ABHD4: variants seen among roughly 807,000 people sequenced by gnomAD.
ABHD4 encodes the protein (Lyso)-N-acylphosphatidylethanolamine lipase.
ABHD4 carries 35 observed loss-of-function variants against 42.3 expected under a neutral mutation model. That is an observed-to-expected ratio of 0.83 (90% CI 0.63 to 1.10). ABHD4 has a LOEUF of 1.10. Among genes scored for constraint, ABHD4 ranks in the 50% least tolerant of loss-of-function variants. ABHD4 has a pLI of 0.00. For missense variants in ABHD4, 389 were observed against 454.8 expected, an observed-to-expected ratio of 0.86 and a Z score of 1.32; for synonymous variants, 169 against 170.6, an observed-to-expected ratio of 0.99 and a Z score of 0.07.
intron 6 of ABHD4, 42 bp from the exon 7 acceptor site, chr14:22,610,817 G>C: frequency 6.6e-7 from 1 of 1,524,864 alleles, no homozygotes; most frequent in East Asian, 2.2e-5. Context: ...CCAGCACCAG[G>C]AATAAAAGGC....
chr14:22,603,557 C>G lies in ABHD4; in HGVS notation c.280C>G (p.Arg94Gly). 1 of 1,614,112 alleles carries G rather than the reference C, an allele frequency of 6.2e-7. No individual in the cohort carries two copies. The highest frequency in any genetic ancestry group is 8.5e-7 in the Non-Finnish European group (1 of 1,180,008). The change falls in exon 3 of 7, where the codon CGC (arginine) becomes GGC (glycine). Residue 94 changes from arginine to glycine, a missense_variant. Physicochemically the swap from Arg to Gly is moderately radical, Grantham distance 125 (BLOSUM62 -2). Coordinates refer to ENST00000428304, the MANE Select transcript of ABHD4 (RefSeq NM_022060.3). ...CCTCAACATGGACTCACTGAGTGCC[C>G]GCCGCACACTGCACACCTTCGATCT... ...WILNMDSLSARRTLHTFDLLG... is the reference protein window; with the variant it reads ...WILNMDSLSAGRTLHTFDLLG...
chr14:22,598,738 G>GCCT, intron 1 of ABHD4: 1 of 368,692 alleles, frequency 2.7e-6, no homozygotes, highest in East Asian at 6.9e-5. Context: ...GATGGAGAGA[G>GCCT]CCTCCTCCCT....
chr14:22,609,587 C>G (rs2037387400), intron 5 of ABHD4, 137 bp from the exon 6 acceptor site: 3 of 979,280 alleles, frequency 3.1e-6, no homozygotes, highest in African/African-American at 3.3e-5. Flanking sequence ...TTCCCCTAAT[C>G]TTACCAATAT....
chr14:22,606,433 G>C lies in ABHD4; in HGVS notation c.652G>C (p.Val218Leu), dbSNP rs776291130. Residue 218 changes from valine to leucine, a missense_variant, in exon 5 of 7, where the codon GTG becomes CTG. This residue lies in a region of ABHD4 where 249 missense variants were observed against 254.4 expected (regional missense o/e 0.98). Transcript: ENST00000428304. The stretch of plus-strand genomic sequence containing the variant: ...CTATCCCCTCCCAGGGCCTGGTCTG[G>C]TGCAGCGATTCCGGCCGGACTTCAA... ...RVAGPWGPGL[V>L]QRFRPDFKRK... 1 of 1,611,958 alleles carries C rather than the reference G, an allele frequency of 6.2e-7. No homozygotes were observed. The highest frequency in any genetic ancestry group is 8.5e-7 in the Non-Finnish European group (1 of 1,179,210).
chr14:22,598,312 C>T lies in ABHD4; in HGVS notation c.6C>T (p.Ala2=), dbSNP rs1197832021. Reference sequence around the variant, plus strand: ...CCTGGCAAGGCTTGTTTACTATGGCCGATGATCTGGAGCAGCAGTGAGTTA... The same window carrying T: ...CCTGGCAAGGCTTGTTTACTATGGCTGATGATCTGGAGCAGCAGTGAGTTA... M[A]DDLEQQSQGW... is the part of the protein sequence containing the mutation. Residue 2 remains alanine, a synonymous_variant, in exon 1 of 7, where the codon GCC becomes GCT. Coordinates refer to ENST00000428304, the MANE Select transcript of ABHD4 (RefSeq NM_022060.3). 6.4e-7 allele frequency: 1 copy of T among 1,551,676 alleles called. No homozygotes were observed. Among genetic ancestry groups the T allele is most frequent in the Non-Finnish European group, 8.7e-7 (1 of 1,146,960 alleles).
rs2037309427 is a variant in ABHD4 at position 22,603,427 on chromosome 14, C to A, written c.150C>A (p.Leu50=). 1 of 1,614,062 alleles carries A rather than the reference C, an allele frequency of 6.2e-7. No individual in the cohort carries two copies. The highest frequency in any genetic ancestry group is 1.3e-5 in the African/African-American group (1 of 74,924). The change falls in exon 3 of 7, where the codon CTC becomes CTA. Residue 50 remains leucine (L), a synonymous_variant. Coordinates refer to ENST00000428304, the MANE Select transcript of ABHD4 (RefSeq NM_022060.3). ...QNKFLARYVS[L]PNQNKIWTVT... ...AGTTCCTGGCCAGATATGTATCCCT[C>A]CCAAACCAGAATAAGATCTGGACGG...
At chr14:22,607,082 T>C (rs1299105010) in intron 5 of ABHD4, among the ~76,000 whole-genome samples, 1 of 152,192 alleles carries the variant, frequency 6.6e-6, no homozygotes, top group African/African-American at 2.4e-5. Context: ...TTACTACCAA[T>C]AGAATTTCTC....
At chr14:22,599,658 C>T (rs978037654) in intron 1 of ABHD4, among the ~76,000 whole-genome samples, 3 of 152,160 alleles carry the variant, frequency 2.0e-5, no homozygotes, top group Admixed American at 1.3e-4. Flanking sequence ...GATGCTGTTC[C>T]TTGGGTAGCG....
rs1317440613 is a variant in ABHD4, at chr14:22,611,265, ACT to A, written c.*324_*325del. 3.4e-6 allele frequency: 1 copy of A among 291,018 alleles called. No individual in the cohort carries two copies. Among genetic ancestry groups the A allele is most frequent in the Non-Finnish European group, 6.6e-6 (1 of 150,392 alleles). 18.0% of individuals were successfully genotyped at this position (291,018 alleles called of 1,614,324 possible). On this transcript the variant is annotated 3_prime_UTR_variant, in exon 7 of 7. Coordinates refer to ENST00000428304, the MANE Select transcript of ABHD4 (RefSeq NM_022060.3). Reference sequence around the variant, plus strand: ...GAAGGGATTGCACCAAGCCACATTCACTCTCTCTGTGGCCTTTCTTCCTCTGG... The same window carrying A: ...GAAGGGATTGCACCAAGCCACATTCACTCTCTGTGGCCTTTCTTCCTCTGG...
Position 22,606,435 on chromosome 14 carries a change from G to A in ABHD4, c.654G>A (p.Val218=). ...ATCCCCTCCCAGGGCCTGGTCTGGT[G>A]CAGCGATTCCGGCCGGACTTCAAAC... ...RVAGPWGPGL[V]QRFRPDFKRK... Residue 218 remains valine (V), a synonymous_variant, in exon 5 of 7, where the codon GTG becomes GTA. Coordinates refer to ENST00000428304, the MANE Select transcript of ABHD4 (RefSeq NM_022060.3). The A allele has an allele frequency of 6.2e-7, 1 of 1,612,144 alleles. No individual in the cohort carries two copies. Among genetic ancestry groups the A allele is most frequent in the Non-Finnish European group, 8.5e-7 (1 of 1,179,308 alleles).
rs74359655 is a variant in ABHD4 at position 22,603,780 on chromosome 14, C to G, written c.485+18C>G. 9.6e-4 allele frequency: 1,500 copies of G among 1,564,038 alleles called. 13 individuals carry two copies. In the African/African-American group the frequency reaches 0.014, roughly 15 times the overall value. ...CCTGATAGGTAATAAGGAGATGGCTCCATCCCTCGTGACCTAATTCCTGGC... is the reference window on the plus strand; with the variant it reads ...CCTGATAGGTAATAAGGAGATGGCTGCATCCCTCGTGACCTAATTCCTGGC... On this transcript the variant is annotated intron_variant, in intron 3 of 6. Transcript: ENST00000428304.
intron 5 of ABHD4, among the ~76,000 whole-genome samples, chr14:22,609,093 G>C (rs1797440787): frequency 6.6e-6 from 1 of 151,780 alleles, no homozygotes; most frequent in Non-Finnish European, 1.5e-5. Flanking sequence ...TGTCTCCCAG[G>C]CTCAAGCAAT....
chr14:22,609,109 T>A (rs1392660566), intron 5 of ABHD4, among the ~76,000 whole-genome samples: 2 of 151,906 alleles, frequency 1.3e-5, no homozygotes, highest in African/African-American at 4.8e-5. Flanking sequence ...GCAATTCTCC[T>A]ACCTCAGCCT....
In ABHD4 at chr14:22,606,506, T is replaced by G; in HGVS notation, c.725T>G (p.Ile242Ser). The G allele has an allele frequency of 6.2e-7, 1 of 1,613,194 alleles. No individual in the cohort carries two copies. Among genetic ancestry groups the G allele is most frequent in the Non-Finnish European group, 8.5e-7 (1 of 1,179,662 alleles). The change falls in exon 5 of 7, where the codon ATT (isoleucine) becomes AGT (serine). Residue 242 changes from isoleucine to serine, a missense_variant. Physicochemically the swap from Ile to Ser is moderately radical, Grantham distance 142. Coordinates refer to ENST00000428304, the MANE Select transcript of ABHD4 (RefSeq NM_022060.3). Reference sequence around the variant, plus strand: ...GAAGATGATACCATATCAGAGTATATTTACCACTGCAACGCACAGAATCCC... The same window carrying G: ...GAAGATGATACCATATCAGAGTATAGTTACCACTGCAACGCACAGAATCCC... ...FFEDDTISEY[I>S]YHCNAQNPSG...
chr14:22,610,581 G>A (rs2037403115), intron 6 of ABHD4, among the ~76,000 whole-genome samples: 1 of 152,136 alleles, frequency 6.6e-6, no homozygotes, highest in Non-Finnish European at 1.5e-5. Flanking sequence ...GCCAACCATG[G>A]GCCCAGGTTT....
Position 22,598,635 on chromosome 14 carries a change from G to A in ABHD4, c.23+306G>A, listed in dbSNP as rs2037245976. On this transcript the variant is annotated intron_variant, in intron 1 of 6. Transcript: ENST00000428304. ...CTGGAGAGATTCCATGTTGATGTGTGAGATCCCCGAAAGCAAGCTTGTGGG... is the reference window on the plus strand; with the variant it reads ...CTGGAGAGATTCCATGTTGATGTGTAAGATCCCCGAAAGCAAGCTTGTGGG... 1.3e-5 allele frequency: 8 copies of A among 602,058 alleles called. No individual in the cohort carries two copies. The Admixed American group carries it at 2.2e-4, about 17-fold the overall frequency. The allele number at this position is 602,058 out of a possible 1,614,324, so 37.3% of individuals were successfully genotyped here.
rs187892809 is a variant in ABHD4 at position 22,601,773 on chromosome 14, C to T, written c.112+18C>T. The T allele has an allele frequency of 1.7e-4, 278 of 1,602,800 alleles. 2 individuals are homozygous for T. In the East Asian group the frequency reaches 3.8e-3, roughly 22 times the overall value. On this transcript the variant is annotated intron_variant, in intron 2 of 6. Transcript: ENST00000428304. The stretch of plus-strand genomic sequence containing the variant: ...CCTCCAGTGTAAGTAGAATGGACAG[C>T]TTGTCCCACCTCCCTCATGGAGCCC...
intron 4 of ABHD4, among the ~76,000 whole-genome samples, chr14:22,604,986 C>T (rs904069575): frequency 1.3e-5 from 2 of 152,234 alleles, no homozygotes; most frequent in African/African-American, 4.8e-5. Flanking sequence ...GTTCACCCAA[C>T]ACCTGCAGCA....
chr14:22,600,081 A>G (rs1474451501), intron 1 of ABHD4: 5 of 426,588 alleles, frequency 1.2e-5, no homozygotes, highest in Non-Finnish European at 2.4e-5. Context: ...AGATGCATTA[A>G]CACTTTTAAT....
Sources: gnomAD v4.1 joint callset for allele counts (sites outside exome capture counted in the v4.1 genomes callset) on GRCh38, gnomAD v4.1.1 for gene constraint, gnomAD v4.1.1 regional missense constraint, MANE v1.5 for transcripts, NCBI Gene and HGNC (gene_info 2026-07-23, HGNC 2026-07-21) for gene names.